PDGFC: variants seen among roughly 807,000 people sequenced by gnomAD.
PDGFC encodes the protein platelet derived growth factor C.
A neutral mutation model predicts 35.5 loss-of-function variants in PDGFC; 12 were observed. The observed-to-expected ratio is 0.34, with a 90% CI of 0.22 to 0.55. The LOEUF is 0.55. Ranked by LOEUF, PDGFC falls within the 20% of genes least tolerant of loss-of-function variation. The probability of loss-of-function intolerance (pLI) is 0.91; values close to 1 mark genes in which losing one functional copy is unlikely to be tolerated. For synonymous variants in PDGFC, 159 were observed against 148.8 expected, an observed-to-expected ratio of 1.07 and a Z score of -0.50; for missense variants, 322 against 412.4, an observed-to-expected ratio of 0.78 and a Z score of 1.90.
At chr4:156,851,822 T>C (rs1368569692) in intron 1 of PDGFC, among the ~76,000 whole-genome samples, 3 of 150,000 alleles carry the variant, frequency 2.0e-5, no homozygotes, top group Non-Finnish European at 4.4e-5. Flanking sequence ...TCCCTGCTAC[T>C]CCGGAGGCTG....
At chr4:156,860,624 G>A (rs1729688040) in intron 1 of PDGFC, among the ~76,000 whole-genome samples, 1 of 152,092 alleles carries the variant, frequency 6.6e-6, no homozygotes, top group Non-Finnish European at 1.5e-5. Context: ...TGCAGCAATA[G>A]TAATAATACT....
chr4:156,925,834 T>C (rs1216346797), intron 1 of PDGFC, among the ~76,000 whole-genome samples: 2 of 151,206 alleles, frequency 1.3e-5, no homozygotes, highest in African/African-American at 4.9e-5. Context: ...GTAGACTGCC[T>C]GAGCCCAGTA....
intron 1 of PDGFC, among the ~76,000 whole-genome samples, chr4:156,939,015 C>T (rs1323544905): frequency 6.6e-6 from 1 of 151,930 alleles, no homozygotes; most frequent in East Asian, 1.9e-4. Flanking sequence ...AAAACCAGTA[C>T]AGAATACAGC....
At chr4:156,848,153 G>A (rs1339627426) in intron 2 of PDGFC, among the ~76,000 whole-genome samples, 1 of 148,966 alleles carries the variant, frequency 6.7e-6, no homozygotes, top group Non-Finnish European at 1.5e-5. Context: ...ATGAATGGCT[G>A]ATAATAAATA....
intron 1 of PDGFC, among the ~76,000 whole-genome samples, chr4:156,954,709 TTACTCA>T (rs1732166138): frequency 6.6e-6 from 1 of 152,046 alleles, no homozygotes; most frequent in South Asian, 2.1e-4. Context: ...TGCATTCATT[TTACTCA>T]GTCTAAGCAA....
chr4:156,867,968 C>A (rs1729885248), intron 1 of PDGFC, among the ~76,000 whole-genome samples: 1 of 152,112 alleles, frequency 6.6e-6, no homozygotes, highest in Non-Finnish European at 1.5e-5. Flanking sequence ...ACCTCCACTT[C>A]TTGGGTTCAA....
At chr4:156,819,318 G>T (rs184829046) in intron 2 of PDGFC, among the ~76,000 whole-genome samples, 2 of 152,308 alleles carry the variant, frequency 1.3e-5, no homozygotes, top group African/African-American at 4.8e-5. Context: ...CTAGTAATTT[G>T]ATAGCTAGAG....
At chr4:156,964,340 C>A (rs1732413092) in intron 1 of PDGFC, among the ~76,000 whole-genome samples, 1 of 150,226 alleles carries the variant, frequency 6.7e-6, no homozygotes, top group Non-Finnish European at 1.5e-5. Context: ...GGTAGTATTT[C>A]CAGTTATTTG....
chr4:156,952,392 T>C (rs1434550843), intron 1 of PDGFC, among the ~76,000 whole-genome samples: 1 of 151,858 alleles, frequency 6.6e-6, no homozygotes, highest in East Asian at 1.9e-4. Flanking sequence ...TATCACTACG[T>C]AGAAAATCAA....
intron 1 of PDGFC, among the ~76,000 whole-genome samples, chr4:156,966,604 G>A (rs1732472577): frequency 1.3e-5 from 2 of 151,980 alleles, no homozygotes; most frequent in South Asian, 4.2e-4. Flanking sequence ...AAAACATGAA[G>A]TGGAAGCTAA....
chr4:156,799,031 C>T (rs1731525692), intron 3 of PDGFC, among the ~76,000 whole-genome samples: 1 of 152,140 alleles, frequency 6.6e-6, no homozygotes, highest in Non-Finnish European at 1.5e-5. Context: ...ATAATTGCTA[C>T]CTCAATGTCT....
chr4:156,852,824 G>T (rs1275194942), intron 1 of PDGFC, among the ~76,000 whole-genome samples: 1 of 152,188 alleles, frequency 6.6e-6, no homozygotes, highest in East Asian at 1.9e-4. Context: ...AGGAAGCCAT[G>T]TGCCAATGGA....
intron 1 of PDGFC, among the ~76,000 whole-genome samples, chr4:156,933,066 C>A (rs1050475598): frequency 2.6e-5 from 4 of 152,094 alleles, no homozygotes; most frequent in Admixed American, 2.0e-4. Flanking sequence ...GGGCAAATCC[C>A]ATGCCTTCTC....
At chr4:156,825,550 C>CT (rs1275440314) in intron 2 of PDGFC, among the ~76,000 whole-genome samples, 1 of 89,856 alleles carries the variant, frequency 1.1e-5, no homozygotes, top group African/African-American at 4.8e-5. Context: ...ACCCTGTCTC[C>CT]AAATAATAAT....
chr4:156,817,230 C>A (rs529287566), intron 2 of PDGFC, among the ~76,000 whole-genome samples: 1 of 151,762 alleles, frequency 6.6e-6, no homozygotes, highest in East Asian at 1.9e-4. Context: ...AACAAAATAT[C>A]AGGTGAAAAT....
At chr4:156,767,008 G>A (rs1011444331) in intron 5 of PDGFC, among the ~76,000 whole-genome samples, 4 of 152,018 alleles carry the variant, frequency 2.6e-5, no homozygotes, top group African/African-American at 9.7e-5. Flanking sequence ...TGTCAGAAGG[G>A]CAGATTTTGA....
At chr4:156,823,244 TTAAAAA>T (rs1234865687) in intron 2 of PDGFC, among the ~76,000 whole-genome samples, 8 of 152,010 alleles carry the variant, frequency 5.3e-5, no homozygotes, top group Admixed American at 1.3e-4. Flanking sequence ...GTCTCTGAGT[TTAAAAA>T]TAAAAATAAA....
intron 3 of PDGFC, among the ~76,000 whole-genome samples, chr4:156,786,173 C>T (rs748442042): frequency 1.3e-5 from 2 of 152,118 alleles, no homozygotes; most frequent in South Asian, 4.2e-4. Flanking sequence ...GCAACTAATA[C>T]GAGCCAGACA....
intron 1 of PDGFC, among the ~76,000 whole-genome samples, chr4:156,949,247 G>C (rs925856605): frequency 6.6e-6 from 1 of 151,864 alleles, no homozygotes; most frequent in African/African-American, 2.4e-5. Flanking sequence ...ATAGAAATGA[G>C]CCATTTATTC....
Sources: gnomAD v4.1 joint callset for allele counts (sites outside exome capture counted in the v4.1 genomes callset) on GRCh38, gnomAD v4.1.1 for gene constraint, MANE v1.5 for transcripts, NCBI Gene and HGNC (gene_info 2026-07-23, HGNC 2026-07-21) for gene names.